Variants in FBXL18 observed in about 807,000 individuals in gnomAD.
FBXL18 encodes the protein F-box and leucine rich repeat protein 18.
In FBXL18, 36 loss-of-function variants were observed where a neutral mutation model predicts 46.0. That is an observed-to-expected ratio of 0.78 (90% CI 0.60 to 1.03). FBXL18 has a LOEUF of 1.03. Among genes scored for constraint, FBXL18 ranks in the 50% least tolerant of loss-of-function variants. The probability of loss-of-function intolerance (pLI) is 0.00; values close to 1 mark genes in which losing one functional copy is unlikely to be tolerated. For synonymous variants in FBXL18, 557 were observed against 465.3 expected (o/e 1.20, Z -2.54); for missense variants, 977 against 1,004.1 (o/e 0.97, Z 0.36).
intron 4 of FBXL18, among the ~76,000 whole-genome samples, chr7:5,468,338 C>A (rs910899980): frequency 6.6e-6 from 1 of 152,114 alleles, no homozygotes; most frequent in Non-Finnish European, 1.5e-5. Flanking sequence ...AGGATGGCCT[C>A]GATCTCCTGA....
intron 1 of FBXL18, among the ~76,000 whole-genome samples, chr7:5,511,640 C>G (rs10253945): frequency 1.3e-5 from 2 of 149,832 alleles, no homozygotes; most frequent in Non-Finnish European, 1.5e-5. Flanking sequence ...TGGTGGTGGG[C>G]GCCTGTAGTC....
rs1449068134 is a variant in FBXL18, at chr7:5,501,249, C to G, written c.1020G>C (p.Lys340Asn). The change falls in exon 3 of 5, where the codon AAG (lysine) becomes AAC (asparagine). Residue 340 changes from lysine to asparagine, a missense_variant. Physicochemically the swap from Lys to Asn is moderately conservative, Grantham distance 94. Transcript: ENST00000382368. ...TCAAGCTGGCCAGGCTCCGCAGGTC[C>G]TTCCCGCCGTTGATGACCTGCTGGA... ...HLIQQVINGG[K>N]DLRSLASLNL... The G allele has an allele frequency of 2.5e-6, 4 of 1,613,454 alleles. No individual in the cohort carries two copies. Among genetic ancestry groups the G allele is most frequent in the African/African-American group, 2.7e-5 (2 of 75,076 alleles).
chr7:5,498,733 G>A (rs1484700501), intron 3 of FBXL18, among the ~76,000 whole-genome samples: 1 of 152,040 alleles, frequency 6.6e-6, no homozygotes, highest in East Asian at 1.9e-4. Flanking sequence ...CCCACGCCCC[G>A]CTAATTTCTG....
downstream of FBXL18, among the ~76,000 whole-genome samples, chr7:5,473,501 C>G (rs1398399455): frequency 6.6e-6 from 1 of 152,126 alleles, no homozygotes; most frequent in Non-Finnish European, 1.5e-5. Context: ...GTGGTTCATG[C>G]CTGTAATCCC....
rs191402525 is a variant in FBXL18 at position 5,456,456 on chromosome 7, A to G, written c.2001-8613T>C. Among the ~76,000 whole-genome samples, 396 of 152,318 alleles carry G rather than the reference A, an allele frequency of 2.6e-3. 2 individuals are homozygous for G. The highest frequency in any genetic ancestry group is 8.3e-3 in the African/African-American group (344 of 41,574). Reference sequence around the variant, plus strand: ...CACGCGGTCAATTACAAACCCTGGGAAGTGGGGACAGGCGAGGCCCAAGGG... The same window carrying G: ...CACGCGGTCAATTACAAACCCTGGGGAGTGGGGACAGGCGAGGCCCAAGGG... On this transcript the variant is annotated intron_variant and NMD_transcript_variant, in intron 4 of 6. Transcript: ENST00000415009.
chr7:5,493,688 T>TGCGTGC (rs1284471744), intron 3 of FBXL18, among the ~76,000 whole-genome samples: 1 of 141,524 alleles, frequency 7.1e-6, no homozygotes, highest in African/African-American at 2.6e-5. Flanking sequence ...TGCGTGCGTG[T>TGCGTGC]GTGTGTGTGG....
At position 5,502,026 on chromosome 7, in the gene FBXL18, G is replaced by C. The variant is rs4724704; in HGVS notation, c.243C>G (p.Ser81Arg). Reference sequence around the variant, plus strand: ...TCACCAGCTGCCTCACTTTGTCCTCGCTCGCCTGCGGGACAGAGGCAGGGT... The same window carrying C: ...TCACCAGCTGCCTCACTTTGTCCTCCCTCGCCTGCGGGACAGAGGCAGGGT... Reference protein sequence around the residue: ...TVLLQKDYQASEDKVRQLVKE... With the variant: ...TVLLQKDYQAREDKVRQLVKE... Residue 81 changes from serine to arginine, a missense_variant, in exon 3 of 5, where the codon AGC becomes AGG. By Grantham distance (110) the Ser-to-Arg change is moderately radical. Coordinates refer to ENST00000382368, the MANE Select transcript of FBXL18 (RefSeq NM_024963.6). The C allele has an allele frequency of 1.3e-6, 2 of 1,585,714 alleles. No individual in the cohort carries two copies. Among genetic ancestry groups the C allele is most frequent in the East Asian group, 2.3e-5 (1 of 44,048 alleles).
chr7:5,502,882 T>C (rs6463489), intron 2 of FBXL18, among the ~76,000 whole-genome samples: 138,891 of 151,604 alleles, frequency 0.92, 63,650 homozygotes, highest in African/African-American at 0.94. Context: ...AAGCTAAACA[T>C]AGGGCTACCA....
chr7:5,488,217 G>A (rs746389275), intron 4 of FBXL18, among the ~76,000 whole-genome samples: 4 of 152,248 alleles, frequency 2.6e-5, no homozygotes, highest in African/African-American at 4.8e-5. Flanking sequence ...GCAAGCTCCC[G>A]GCCTGCAAGG....
At chr7:5,458,717 T>C (rs1584177639) in intron 4 of FBXL18, among the ~76,000 whole-genome samples, 2 of 149,356 alleles carry the variant, frequency 1.3e-5, no homozygotes, top group African/African-American at 4.9e-5. Flanking sequence ...AAAAATTAGC[T>C]GGGCGTGGTG....
chr7:5,501,981 G>T lies in FBXL18; in HGVS notation c.288C>A (p.Ile96=). The change falls in exon 3 of 5, where the codon ATC becomes ATA. Residue 96 remains isoleucine, a synonymous_variant. Transcript: ENST00000382368. ...RQLVKEIGRE[I]QQLSMAGCYW... is the part of the protein sequence containing the mutation. ...AGCAGCCAGCCATGCTCAGCTGCTG[G>T]ATCTCCCGGCCGATCTCCTTCACCA... The T allele has an allele frequency of 6.2e-7, 1 of 1,607,850 alleles. No homozygotes were observed. The highest frequency in any genetic ancestry group is 1.7e-5 in the Admixed American group (1 of 59,334).
intron 4 of FBXL18, among the ~76,000 whole-genome samples, chr7:5,459,243 G>C (rs1783211636): frequency 6.6e-6 from 1 of 152,214 alleles, no homozygotes; most frequent in Admixed American, 6.5e-5. Context: ...ACCAGACACA[G>C]GTCTGCAGAG....
rs1783630954 is a variant in FBXL18, at chr7:5,481,011, T to C, written c.*764A>G. Reference sequence around the variant, plus strand: ...ATTTCCCCAGGAACGCGCATGGACCTTCCCAGGGAAGCTGAAGGCCGTGGG... The same window carrying C: ...ATTTCCCCAGGAACGCGCATGGACCCTCCCAGGGAAGCTGAAGGCCGTGGG... On this transcript the variant is annotated 3_prime_UTR_variant, in exon 5 of 5. Coordinates refer to ENST00000382368, the MANE Select transcript of FBXL18 (RefSeq NM_024963.6). 1 of 139,550 alleles carries C rather than the reference T, an allele frequency of 7.2e-6. No homozygotes were observed. Among genetic ancestry groups the C allele is most frequent in the Non-Finnish European group, 1.6e-5 (1 of 64,366 alleles). The allele number at this position is 139,550 out of a possible 1,614,324, so 8.6% of individuals were successfully genotyped here. A position where few individuals can be genotyped will look rare whatever the true frequency, so the allele number is the denominator to read the frequency against.
chr7:5,503,268 C>T (rs1224053941), intron 2 of FBXL18, among the ~76,000 whole-genome samples: 1 of 152,194 alleles, frequency 6.6e-6, no homozygotes, highest in African/African-American at 2.4e-5. Context: ...CCTGTGGTCC[C>T]ATCTACTTGG....
In FBXL18 at chr7:5,501,714, G is replaced by A. The variant is rs756264417; in HGVS notation, c.555C>T (p.Tyr185=). The part of the protein sequence containing the change: ...ELKQTLFTPS[Y]GVVPCCTSLE... Reference sequence around the variant, plus strand: ...GGCTGGTGCAGCAGGGCACCACGCCGTAGGAGGGAGTGAACAGCGTCTGCT... The same window carrying A: ...GGCTGGTGCAGCAGGGCACCACGCCATAGGAGGGAGTGAACAGCGTCTGCT... The change falls in exon 3 of 5, where the codon TAC becomes TAT. Residue 185 remains tyrosine, a synonymous_variant. Coordinates refer to ENST00000382368, the MANE Select transcript of FBXL18 (RefSeq NM_024963.6). 2.5e-5 allele frequency: 39 copies of A among 1,584,294 alleles called. No homozygotes were observed. The highest frequency in any genetic ancestry group is 4.0e-5 in the African/African-American group (3 of 74,350).
At chr7:5,456,405 T>C (rs1001296809) in intron 4 of FBXL18, among the ~76,000 whole-genome samples, 4 of 152,202 alleles carry the variant, frequency 2.6e-5, no homozygotes, top group African/African-American at 7.2e-5. Flanking sequence ...CTCATCACGA[T>C]GTGCTCGCAC....
At chr7:5,483,318 G>A in intron 4 of FBXL18, among the ~76,000 whole-genome samples, 1 of 151,782 alleles carries the variant, frequency 6.6e-6, no homozygotes, top group Non-Finnish European at 1.5e-5. Context: ...GCGGGTGCCT[G>A]TAGTCCCAGC....
At chr7:5,494,425 C>T (rs1329639245) in intron 3 of FBXL18, among the ~76,000 whole-genome samples, 1 of 152,074 alleles carries the variant, frequency 6.6e-6, no homozygotes, top group African/African-American at 2.4e-5. Flanking sequence ...GAGCGAGACT[C>T]TGTCTCACAC....
intron 3 of FBXL18, among the ~76,000 whole-genome samples, chr7:5,493,372 G>T (rs1374069491): frequency 6.6e-6 from 1 of 152,308 alleles, no homozygotes; most frequent in Admixed American, 6.5e-5. Context: ...CGTGATCTCA[G>T]CTCATTGCAA....
Sources: gnomAD v4.1 joint callset for allele counts (sites outside exome capture counted in the v4.1 genomes callset) on GRCh38, gnomAD v4.1.1 for gene constraint, MANE v1.5 for transcripts, NCBI Gene and HGNC (gene_info 2026-07-23, HGNC 2026-07-21) for gene names.